The following ACAT2 variants were observed in gnomAD, a reference collection of about 807,000 sequenced individuals.
The protein encoded by ACAT2 is acetyl-CoA acetyltransferase, cytosolic.
In ACAT2, 26 loss-of-function variants were observed where a neutral mutation model predicts 37.1. The ratio of observed to expected loss-of-function variants is 0.70; its 90% CI spans 0.51 to 0.97. The LOEUF (loss-of-function observed/expected upper bound fraction) is 0.97. Ranked by LOEUF, ACAT2 falls within the 50% of genes least tolerant of loss-of-function variation. The pLI is 0.00. For synonymous variants in ACAT2, 156 were observed against 163.6 expected, an observed-to-expected ratio of 0.95 and a Z score of 0.35; for missense variants, 468 against 489.0, an observed-to-expected ratio of 0.96 and a Z score of 0.40.
intron 4 of ACAT2, among the ~76,000 whole-genome samples, chr6:159,771,514 C>A (rs1003841726): frequency 6.6e-6 from 1 of 151,990 alleles, no homozygotes; most frequent in Non-Finnish European, 1.5e-5. Flanking sequence ...AAGAAAATTT[C>A]CACATTTGGT....
At chr6:159,763,460 C>G (rs1419581500) in intron 2 of ACAT2, among the ~76,000 whole-genome samples, 1 of 151,972 alleles carries the variant, frequency 6.6e-6, no homozygotes, top group Non-Finnish European at 1.5e-5. Flanking sequence ...GGGAGGATCA[C>G]TTGAGCCCAG....
chr6:159,768,159 T>G (rs1179212382), intron 3 of ACAT2, among the ~76,000 whole-genome samples: 2 of 152,234 alleles, frequency 1.3e-5, no homozygotes, highest in Non-Finnish European at 2.9e-5. Context: ...GGTAACACAT[T>G]GTTAGCTTTA....
intron 8 of ACAT2, 176 bp downstream of exon 8, chr6:159,778,456 G>T (rs1034967106): frequency 1.4e-4 from 95 of 674,680 alleles, no homozygotes; most frequent in Non-Finnish European, 1.9e-4. Flanking sequence ...AAAAGACATT[G>T]GCTTACTTGG....
chr6:159,778,408 A>T, intron 8 of ACAT2, 128 bp downstream of exon 8: 2 of 558,602 alleles, frequency 3.6e-6, no homozygotes, highest in Non-Finnish European at 2.9e-6. Flanking sequence ...GACTGAGTTC[A>T]TTACTTCCCA....
At position 159,762,839 on chromosome 6, in the gene ACAT2, A is replaced by G. The variant is rs571490767; in HGVS notation, c.56-80A>G. Reference sequence around the variant, plus strand: ...TCGCGTGGCCTTGCCAAACAGGGTCATGAGGCTCCCCTGCTCGTAGGTGGT... The same window carrying G: ...TCGCGTGGCCTTGCCAAACAGGGTCGTGAGGCTCCCCTGCTCGTAGGTGGT... On this transcript the variant is annotated intron_variant, in intron 1 of 8. Coordinates refer to ENST00000367048, the MANE Select transcript of ACAT2 (RefSeq NM_005891.3). The G allele has an allele frequency of 2.8e-4, 453 of 1,597,794 alleles. 4 individuals carry two copies. The South Asian group carries it at 4.8e-3, about 17-fold the overall frequency.
intron 3 of ACAT2, among the ~76,000 whole-genome samples, 169 bp from the exon 4 acceptor site, chr6:159,768,342 A>G (rs1249366830): frequency 1.3e-5 from 2 of 152,192 alleles, no homozygotes; most frequent in Non-Finnish European, 2.9e-5. Context: ...AAGTCTGCTA[A>G]TTCCAGGGGT....
At chr6:159,768,328 G>A (rs1225552925) in intron 3 of ACAT2, among the ~76,000 whole-genome samples, 183 bp from the exon 4 acceptor site, 1 of 152,176 alleles carries the variant, frequency 6.6e-6, no homozygotes, top group African/African-American at 2.4e-5. Context: ...CAATAGGAAA[G>A]ATGAAGTCTG....
rs755952672 is a variant in ACAT2, at chr6:159,775,162, T to A, written c.491-8T>A. 6.2e-7 allele frequency: 1 copy of A among 1,612,558 alleles called. No homozygotes were observed. Among genetic ancestry groups the A allele is most frequent in the Admixed American group, 1.7e-5 (1 of 59,666 alleles). ...TGTTAGTTTTTTGCTGTTTTTCTCC[T>A]TTCCCAGCTGAAAATGTAGCCAAAA... is the stretch of plus-strand genomic sequence containing the variant. On this transcript the variant is annotated splice_region_variant and splice_polypyrimidine_tract_variant and intron_variant, in intron 4 of 8. Coordinates refer to ENST00000367048, the MANE Select transcript of ACAT2 (RefSeq NM_005891.3).
intron 1 of ACAT2, 152 bp from the exon 2 acceptor site, chr6:159,762,767 C>T: frequency 1.9e-6 from 3 of 1,587,282 alleles, no homozygotes; most frequent in East Asian, 2.3e-5. Context: ...GACCTTTGCT[C>T]AGACCAGCAG....
chr6:159,764,965 G>A (rs1435525014), intron 2 of ACAT2, among the ~76,000 whole-genome samples: 1 of 152,194 alleles, frequency 6.6e-6, no homozygotes, highest in Non-Finnish European at 1.5e-5. Flanking sequence ...CTACAATCAT[G>A]TAACAAATGT....
intron 4 of ACAT2, among the ~76,000 whole-genome samples, chr6:159,773,514 C>T (rs541562016): frequency 4.6e-5 from 7 of 152,300 alleles, no homozygotes; most frequent in Middle Eastern, 3.4e-3. Context: ...AGGCAGCCTA[C>T]GGGGCTTCCA....
At chr6:159,766,370 T>A (rs1443217063) in intron 2 of ACAT2, among the ~76,000 whole-genome samples, 1 of 151,864 alleles carries the variant, frequency 6.6e-6, no homozygotes, top group African/African-American at 2.4e-5. Flanking sequence ...TTATTAGACA[T>A]AGGTTTGATA....
chr6:159,762,499 C>T, intron 1 of ACAT2: 4 of 1,304,454 alleles, frequency 3.1e-6, no homozygotes, highest in South Asian at 3.0e-5. Flanking sequence ...GCGGCAGGGG[C>T]GGAACTGCTA....
At chr6:159,762,479 G>C (rs1216811193) in intron 1 of ACAT2, 2 of 1,318,602 alleles carry the variant, frequency 1.5e-6, no homozygotes, top group South Asian at 1.5e-5. Context: ...AGGCGCCATC[G>C]GTAATGCCTG....
At chr6:159,769,068 T>C (rs757955521) in intron 4 of ACAT2, among the ~76,000 whole-genome samples, 174 of 152,320 alleles carry the variant, frequency 1.1e-3, no homozygotes, top group Non-Finnish European at 9.4e-4. Flanking sequence ...TTAGTATACA[T>C]GTAAAACTTA....
intron 4 of ACAT2, among the ~76,000 whole-genome samples, chr6:159,772,034 G>C (rs902783219): frequency 6.6e-6 from 1 of 152,108 alleles, no homozygotes; most frequent in Non-Finnish European, 1.5e-5. Flanking sequence ...GACCATCCTG[G>C]CTAACACGGT....
At chr6:159,777,504 C>G (rs1237364798) in intron 7 of ACAT2, 48 bp downstream of exon 7, 9 of 1,550,324 alleles carry the variant, frequency 5.8e-6, no homozygotes, top group Non-Finnish European at 7.0e-6. Flanking sequence ...TCCTGTTAGC[C>G]TTAAGTGAGC....
chr6:159,762,619 TTCC>T (rs1780167945), intron 1 of ACAT2: 1 of 1,411,602 alleles, frequency 7.1e-7, no homozygotes, highest in Non-Finnish European at 9.4e-7. Flanking sequence ...GACCCGCCGG[TTCC>T]TTTTGTTTGG....
In ACAT2 at chr6:159,778,723, T is replaced by A. The variant is rs1562481103; in HGVS notation, c.1088T>A (p.Leu363His). Residue 363 changes from leucine to histidine, a missense_variant, in exon 9 of 9, where the codon CTT becomes CAT. Coordinates refer to ENST00000367048, the MANE Select transcript of ACAT2 (RefSeq NM_005891.3). ...CTTGGAGCATCTGGCTGTCGAATTC[T>A]TGTGACCCTGTTACACACACTGGAG... The part of the protein sequence containing the change: ...HPLGASGCRI[L>H]VTLLHTLERM... 6.2e-7 allele frequency: 1 copy of A among 1,614,248 alleles called. No individual in the cohort carries two copies. The highest frequency in any genetic ancestry group is 8.5e-7 in the Non-Finnish European group (1 of 1,180,048).
Sources: allele counts gnomAD v4.1 joint callset (sites outside exome capture counted in the v4.1 genomes callset), GRCh38; gene constraint gnomAD v4.1.1; transcripts MANE v1.5; gene names NCBI Gene and HGNC (gene_info 2026-07-23, HGNC 2026-07-21).